The following RBFOX1 variants were observed in gnomAD, a reference collection of about 807,000 sequenced individuals.
The protein encoded by RBFOX1 is RNA binding fox-1 homolog 1.
Under a neutral mutation model 57.7 loss-of-function variants are expected in RBFOX1, and 8 were observed. The ratio of observed to expected loss-of-function variants is 0.14; its 90% confidence interval spans 0.08 to 0.25. The LOEUF is 0.25. RBFOX1 is among the 10% of genes least tolerant of loss of function. The probability of loss-of-function intolerance (pLI) is 1.00; values close to 1 mark genes in which losing one functional copy is unlikely to be tolerated. For synonymous variants in RBFOX1, 326 were observed against 222.4 expected, an observed-to-expected ratio of 1.47 and a Z score of -4.15; for missense variants, 611 against 548.5, an observed-to-expected ratio of 1.11 and a Z score of -1.14.
At chr16:6,942,622 G>C (rs2078749679) in intron 3 of RBFOX1, among the ~76,000 whole-genome samples, 1 of 152,146 alleles carries the variant, frequency 6.6e-6, no homozygotes, top group African/African-American at 2.4e-5. Flanking sequence ...TTCAGTGCAG[G>C]AGACGGTGCT....
chr16:6,761,927 A>T lies in RBFOX1; in HGVS notation c.-16+107277A>T, dbSNP rs374720464. On this transcript the variant is annotated intron_variant, in intron 3 of 15. Transcript: ENST00000550418. The stretch of plus-strand genomic sequence containing the variant: ...CCACATTGTCTTCACCTCTAGACTG[A>T]TGATCATTTATCTCTGACATTTTTT... Among the ~76,000 whole-genome samples the T allele has an allele frequency of 1.5e-4, 23 of 152,180 alleles. 1 individual carries two copies. The East Asian group carries it at 3.3e-3, about 22-fold the overall frequency.
At chr16:6,032,522 C>T (rs2095305513) in intron 1 of RBFOX1, among the ~76,000 whole-genome samples, 2 of 152,130 alleles carry the variant, frequency 1.3e-5, no homozygotes, top group African/African-American at 4.8e-5. Flanking sequence ...TTTGGTGGAG[C>T]CTACTGGGGA....
chr16:5,278,860 GTA>G, intron 1 of RBFOX1, among the ~76,000 whole-genome samples: 1 of 152,158 alleles, frequency 6.6e-6, no homozygotes, highest in East Asian at 1.9e-4. Context: ...TTTATTCAAT[GTA>G]TGTTCTTGAC....
At chr16:7,073,746 C>G (rs1456873106) in intron 4 of RBFOX1, among the ~76,000 whole-genome samples, 2 of 152,082 alleles carry the variant, frequency 1.3e-5, no homozygotes, top group East Asian at 1.9e-4. Context: ...GCCCTTGGTA[C>G]CAGTTACTCA....
At chr16:6,361,699 C>G (rs536426152) in intron 2 of RBFOX1, among the ~76,000 whole-genome samples, 4 of 151,402 alleles carry the variant, frequency 2.6e-5, no homozygotes, top group Admixed American at 2.6e-4. Context: ...GAGAGCTTTA[C>G]AAACCCCCTA....
At chr16:6,711,388 A>G (rs11866945) in intron 3 of RBFOX1, among the ~76,000 whole-genome samples, 11,501 of 152,120 alleles carry the variant, frequency 0.076, 566 homozygotes, top group African/African-American at 0.13. Context: ...ATCTTGTCCT[A>G]TCTCTCCTGA....
chr16:6,583,341 T>C (rs1350550070), intron 2 of RBFOX1, among the ~76,000 whole-genome samples: 2 of 152,146 alleles, frequency 1.3e-5, no homozygotes, highest in Non-Finnish European at 1.5e-5. Flanking sequence ...ATGGGTGGGT[T>C]GCGTGCAGAG....
chr16:7,608,083 C>G (rs1414710220), intron 10 of RBFOX1, among the ~76,000 whole-genome samples: 1 of 152,186 alleles, frequency 6.6e-6, no homozygotes, highest in Non-Finnish European at 1.5e-5. Context: ...CATTGAATAC[C>G]TAGGACCTTA....
intron 3 of RBFOX1, among the ~76,000 whole-genome samples, chr16:6,922,685 T>A (rs1040032331): frequency 6.6e-6 from 1 of 152,174 alleles, no homozygotes; most frequent in Non-Finnish European, 1.5e-5. Flanking sequence ...AGGCCATGTT[T>A]TGGGCCTCAC....
intron 2 of RBFOX1, among the ~76,000 whole-genome samples, chr16:6,529,140 T>C (rs1221987068): frequency 6.6e-6 from 1 of 152,190 alleles, no homozygotes; most frequent in Non-Finnish European, 1.5e-5. Flanking sequence ...TGTGCCTCCA[T>C]CTGTTACCCA....
At chr16:5,650,979 C>G (rs2049216525) in intron 3 of RBFOX1, among the ~76,000 whole-genome samples, 1 of 146,868 alleles carries the variant, frequency 6.8e-6, no homozygotes, top group South Asian at 2.1e-4. Flanking sequence ...CCTGTCCTTC[C>G]TTGCTGTCCC....
At chr16:6,257,753 C>G (rs944935038) in intron 1 of RBFOX1, among the ~76,000 whole-genome samples, 1 of 152,128 alleles carries the variant, frequency 6.6e-6, no homozygotes, top group African/African-American at 2.4e-5. Flanking sequence ...AGGACATGAT[C>G]ATGTTCTTTT....
At chr16:7,343,740 G>A (rs988819078) in intron 4 of RBFOX1, among the ~76,000 whole-genome samples, 1 of 152,140 alleles carries the variant, frequency 6.6e-6, no homozygotes, top group Non-Finnish European at 1.5e-5. Flanking sequence ...AGAGCAGACT[G>A]CCTGGTTCAT....
At chr16:7,676,170 A>T (rs900807742) in intron 13 of RBFOX1, among the ~76,000 whole-genome samples, 1 of 152,366 alleles carries the variant, frequency 6.6e-6, no homozygotes, top group Admixed American at 6.5e-5. Flanking sequence ...TAACCATGTG[A>T]TATCTTTGGC....
intron 10 of RBFOX1, among the ~76,000 whole-genome samples, chr16:7,623,343 A>G (rs917559368): frequency 1.3e-5 from 2 of 152,178 alleles, no homozygotes; most frequent in African/African-American, 4.8e-5. Flanking sequence ...ATAATGAATT[A>G]ATTATACAAC....
intron 2 of RBFOX1, among the ~76,000 whole-genome samples, chr16:5,513,510 G>A (rs2043680640): frequency 6.6e-6 from 1 of 152,120 alleles, no homozygotes; most frequent in South Asian, 2.1e-4. Flanking sequence ...TCTTCATTCT[G>A]TGCTCTTTGG....
intron 3 of RBFOX1, among the ~76,000 whole-genome samples, chr16:7,033,870 G>T (rs1261284187): frequency 1.3e-5 from 2 of 152,170 alleles, no homozygotes; most frequent in Non-Finnish European, 1.5e-5. Context: ...TCAGGAGGCT[G>T]GGGCAGGAGG....
At chr16:6,401,953 A>T (rs1406008540) in intron 2 of RBFOX1, among the ~76,000 whole-genome samples, 2 of 152,078 alleles carry the variant, frequency 1.3e-5, no homozygotes, top group South Asian at 2.1e-4. Flanking sequence ...CAGGGAGATT[A>T]AGATCGTAAC....
chr16:7,252,339 A>T (rs1350817695), intron 4 of RBFOX1, among the ~76,000 whole-genome samples: 1 of 152,254 alleles, frequency 6.6e-6, no homozygotes, highest in Non-Finnish European at 1.5e-5. Flanking sequence ...AAAACAAATT[A>T]CATTCACCAC....
Sources: allele counts gnomAD v4.1 joint callset (sites outside exome capture counted in the v4.1 genomes callset), GRCh38; gene constraint gnomAD v4.1.1; transcripts MANE v1.5; gene names NCBI Gene and HGNC (gene_info 2026-07-23, HGNC 2026-07-21).